MEGF11: variants seen among roughly 807,000 people sequenced by gnomAD.
MEGF11 encodes multiple EGF like domains 11, also known as multiple epidermal growth factor-like domains protein 11.
MEGF11 carries 126 observed loss-of-function variants against 146.6 expected under a neutral mutation model. The observed-to-expected ratio is 0.86, with a 90% CI of 0.74 to 1.00. MEGF11 has a LOEUF of 1.00. Ranked by LOEUF, MEGF11 falls within the 50% of genes least tolerant of loss-of-function variation. MEGF11 has a pLI of 0.00. For synonymous variants in MEGF11, 532 were observed against 583.4 expected, an observed-to-expected ratio of 0.91 and a Z score of 1.27; for missense variants, 1,509 against 1,521.2, an observed-to-expected ratio of 0.99 and a Z score of 0.13.
At position 65,895,738 on chromosome 15, in the gene MEGF11, T is replaced by G. The variant is rs1409279707; in HGVS notation, c.*2196A>C. 2.0e-5 allele frequency: 3 copies of G among 152,618 alleles called. No individual in the cohort carries two copies. The highest frequency in any genetic ancestry group is 7.2e-5 in the African/African-American group (3 of 41,446). The allele number at this position is 152,618 out of a possible 1,614,324, so 9.5% of individuals were successfully genotyped here. Reference sequence around the variant, plus strand: ...TGTATTACATTTCCTTAAAAAGTCATGGACTGCTAGAGCTGAAGGGTTAGT... The same window carrying G: ...TGTATTACATTTCCTTAAAAAGTCAGGGACTGCTAGAGCTGAAGGGTTAGT... On this transcript the variant is annotated 3_prime_UTR_variant, in exon 26 of 26. Coordinates refer to ENST00000395614, the MANE Select transcript of MEGF11 (RefSeq NM_001385028.1).
intron 5 of MEGF11, among the ~76,000 whole-genome samples, chr15:66,023,144 A>AAAT (rs2083213131): frequency 6.6e-6 from 1 of 151,068 alleles, no homozygotes; most frequent in Non-Finnish European, 1.5e-5. Context: ...CCATCTCAAA[A>AAAT]AAAAAAAAAA....
chr15:66,041,546 C>G (rs2083979175), intron 5 of MEGF11, among the ~76,000 whole-genome samples: 1 of 152,224 alleles, frequency 6.6e-6, no homozygotes, highest in South Asian at 2.1e-4. Flanking sequence ...CAAACTGTGG[C>G]CTCTGGGTCA....
chr15:66,054,526 C>G (rs1158730164), intron 5 of MEGF11, among the ~76,000 whole-genome samples: 1 of 152,226 alleles, frequency 6.6e-6, no homozygotes, highest in Non-Finnish European at 1.5e-5. Context: ...CAAACTCTAA[C>G]TCGGTCTTTA....
chr15:66,035,141 A>G (rs1422979426), intron 5 of MEGF11, among the ~76,000 whole-genome samples: 1 of 152,226 alleles, frequency 6.6e-6, no homozygotes, highest in Non-Finnish European at 1.5e-5. Context: ...GTTGTTGTGT[A>G]GTTTAAATGA....
intron 10 of MEGF11, among the ~76,000 whole-genome samples, chr15:65,953,452 C>T (rs779483546): frequency 9.9e-5 from 15 of 152,152 alleles, no homozygotes; most frequent in Admixed American, 6.5e-4. Flanking sequence ...CCAGGCAAGT[C>T]GCTAATCCTG....
chr15:65,924,958 A>G (rs962705308), intron 13 of MEGF11, among the ~76,000 whole-genome samples: 4 of 151,938 alleles, frequency 2.6e-5, no homozygotes, highest in African/African-American at 9.7e-5. Context: ...GTTGTTGGAA[A>G]CCCAGGATTC....
intron 1 of MEGF11, among the ~76,000 whole-genome samples, chr15:66,154,567 C>T (rs922474535): frequency 4.6e-5 from 7 of 152,232 alleles, no homozygotes; most frequent in Non-Finnish European, 7.3e-5. Context: ...CATAAAGATG[C>T]AGTTATTAAC....
chr15:65,935,096 G>A (rs1054762814), intron 10 of MEGF11, among the ~76,000 whole-genome samples: 4 of 151,956 alleles, frequency 2.6e-5, no homozygotes, highest in South Asian at 2.1e-4. Flanking sequence ...TGAGGCAGGC[G>A]GATCACGATG....
At chr15:65,949,925 A>G (rs932549779) in intron 10 of MEGF11, among the ~76,000 whole-genome samples, 58 of 152,256 alleles carry the variant, frequency 3.8e-4, no homozygotes, top group African/African-American at 1.3e-3. Context: ...CCCCCGTGTG[A>G]GCAGGAAGTC....
chr15:66,073,435 C>T (rs1407153385), intron 5 of MEGF11, among the ~76,000 whole-genome samples: 2 of 152,334 alleles, frequency 1.3e-5, no homozygotes, highest in East Asian at 3.9e-4. Flanking sequence ...CCCACCTCTT[C>T]ACTCCATTTA....
rs545390385 is a variant in MEGF11, at chr15:66,161,787, C to T, written c.-8-33376G>A. On this transcript the variant is annotated intron_variant, in intron 1 of 25. Transcript: ENST00000395614. ...TGTGCTTCTAGGCACTCAGTGAGCA[C>T]CTACTATGTGCCAACCATGGTTCTG... Among the ~76,000 whole-genome samples the T allele has an allele frequency of 1.5e-4, 23 of 152,298 alleles. 1 individual carries two copies. In the South Asian group the frequency reaches 4.8e-3, roughly 32 times the overall value.
intron 1 of MEGF11, among the ~76,000 whole-genome samples, chr15:66,188,409 T>C (rs942087278): frequency 1.3e-5 from 2 of 152,016 alleles, no homozygotes; most frequent in East Asian, 3.9e-4. Context: ...AAAAAAAACC[T>C]TGCCAGGTTA....
intron 5 of MEGF11, among the ~76,000 whole-genome samples, chr15:66,001,242 C>A (rs1054989076): frequency 1.3e-5 from 2 of 152,106 alleles, no homozygotes; most frequent in Admixed American, 1.3e-4. Flanking sequence ...CACGCCCCCA[C>A]GAAAGTTTCT....
At chr15:66,149,606 GCAT>G (rs1181863485) in intron 1 of MEGF11, among the ~76,000 whole-genome samples, 1 of 152,094 alleles carries the variant, frequency 6.6e-6, no homozygotes, top group East Asian at 1.9e-4. Context: ...ATCTCCATCA[GCAT>G]CACGCAGAAT....
At chr15:66,013,406 T>G (rs1567201899) in intron 5 of MEGF11, among the ~76,000 whole-genome samples, 1 of 151,896 alleles carries the variant, frequency 6.6e-6, no homozygotes. Flanking sequence ...GCTCTTGATA[T>G]TAACATGGCA....
chr15:66,217,744 G>A (rs2091623225), intron 1 of MEGF11, among the ~76,000 whole-genome samples: 1 of 152,228 alleles, frequency 6.6e-6, no homozygotes, highest in Non-Finnish European at 1.5e-5. Flanking sequence ...AAGAAGGGAA[G>A]AGATTTGCCT....
intron 5 of MEGF11, among the ~76,000 whole-genome samples, chr15:66,088,036 C>A (rs981455144): frequency 1.3e-5 from 2 of 152,176 alleles, no homozygotes; most frequent in Admixed American, 6.5e-5. Context: ...TTGAAGGCTA[C>A]TATGAACCCA....
At chr15:66,221,409 T>G (rs993094271) in intron 1 of MEGF11, among the ~76,000 whole-genome samples, 1 of 152,024 alleles carries the variant, frequency 6.6e-6, no homozygotes, top group African/African-American at 2.4e-5. Context: ...CATCCCTCCT[T>G]CCACTGACAG....
At chr15:66,155,262 C>A (rs571936025) in intron 1 of MEGF11, among the ~76,000 whole-genome samples, 1 of 151,216 alleles carries the variant, frequency 6.6e-6, no homozygotes, top group Non-Finnish European at 1.5e-5. Flanking sequence ...ATGCCCCCCA[C>A]CCCCCGCTAT....
Sources: allele counts gnomAD v4.1 joint callset (sites outside exome capture counted in the v4.1 genomes callset), GRCh38; gene constraint gnomAD v4.1.1; transcripts MANE v1.5; gene names NCBI Gene and HGNC (gene_info 2026-07-23, HGNC 2026-07-21).